Variants in SLC2A13 observed in about 807,000 individuals in gnomAD.
SLC2A13 encodes solute carrier family 2 member 13.
In SLC2A13, 32 loss-of-function variants were observed where a neutral mutation model predicts 64.4. The ratio of observed to expected loss-of-function variants is 0.50; its 90% confidence interval spans 0.37 to 0.67. SLC2A13 has a LOEUF of 0.67. Ranked by LOEUF, SLC2A13 falls within the 30% of genes least tolerant of loss-of-function variation. The pLI is 0.00. For synonymous variants in SLC2A13, 338 were observed against 327.1 expected, an observed-to-expected ratio of 1.03 and a Z score of -0.36; for missense variants, 743 against 829.2, an observed-to-expected ratio of 0.90 and a Z score of 1.28.
intron 1 of SLC2A13, among the ~76,000 whole-genome samples, chr12:40,090,275 T>C (rs1938720674): frequency 6.6e-6 from 1 of 152,178 alleles, no homozygotes; most frequent in South Asian, 2.1e-4. Flanking sequence ...TTAATAATAT[T>C]TTATAATTTT....
chr12:39,871,638 T>TC (rs1432970787), intron 5 of SLC2A13, among the ~76,000 whole-genome samples, 160 bp downstream of exon 5: 1 of 151,806 alleles, frequency 6.6e-6, no homozygotes, highest in African/African-American at 2.4e-5. Context: ...TGTTAAAAGC[T>TC]CTTTTTTTTT....
intron 3 of SLC2A13, among the ~76,000 whole-genome samples, chr12:40,023,291 A>G (rs1947753106): frequency 6.6e-6 from 1 of 152,154 alleles, no homozygotes; most frequent in East Asian, 1.9e-4. Context: ...CCCACTTCAG[A>G]GTGGAGAGGA....
At chr12:39,761,612 G>A (rs185822970) in intron 9 of SLC2A13, among the ~76,000 whole-genome samples, 14 of 84,560 alleles carry the variant, frequency 1.7e-4, no homozygotes, top group South Asian at 5.1e-4. Flanking sequence ...CTAGCTCTTG[G>A]AGAATGGGGG....
At chr12:40,067,697 A>G (rs1239949652) in intron 1 of SLC2A13, among the ~76,000 whole-genome samples, 1 of 152,086 alleles carries the variant, frequency 6.6e-6, no homozygotes, top group African/African-American at 2.4e-5. Flanking sequence ...TCTATTCTGG[A>G]CTGCAGAAAT....
intron 3 of SLC2A13, among the ~76,000 whole-genome samples, chr12:39,955,140 C>A (rs1946294611): frequency 6.6e-6 from 1 of 152,094 alleles, no homozygotes; most frequent in African/African-American, 2.4e-5. Flanking sequence ...AGTCTCAACT[C>A]ATTTAAAAGG....
chr12:40,060,148 A>G (rs138804879), intron 1 of SLC2A13, among the ~76,000 whole-genome samples: 60 of 152,254 alleles, frequency 3.9e-4, no homozygotes, highest in African/African-American at 1.4e-3. Context: ...CAGACAGCTC[A>G]TATCACAGAC....
intron 6 of SLC2A13, among the ~76,000 whole-genome samples, chr12:39,842,789 C>T (rs967915783): frequency 6.6e-6 from 1 of 151,940 alleles, no homozygotes; most frequent in Non-Finnish European, 1.5e-5. Context: ...CTTTTCATCA[C>T]CCCCTGGCAA....
chr12:39,898,583 T>C (rs1202399512), intron 4 of SLC2A13, among the ~76,000 whole-genome samples: 6 of 152,276 alleles, frequency 3.9e-5, no homozygotes, highest in Admixed American at 3.9e-4. Context: ...AGGGACATTT[T>C]TATTGTAACA....
intron 7 of SLC2A13, among the ~76,000 whole-genome samples, chr12:39,811,294 T>G (rs1942150477): frequency 6.6e-6 from 1 of 152,094 alleles, no homozygotes; most frequent in Non-Finnish European, 1.5e-5. Flanking sequence ...CTATTGCTTT[T>G]ACATTTTCTA....
At position 39,990,139 on chromosome 12, in the gene SLC2A13, G is replaced by C. The variant is rs542075452; in HGVS notation, c.925+38162C>G. Among the ~76,000 whole-genome samples, 3 of 152,172 alleles carry C rather than the reference G, an allele frequency of 2.0e-5. No individual in the cohort carries two copies. In the South Asian group the frequency reaches 6.2e-4, roughly 32 times the overall value. ...GTAACACCTATGGCCATGTATTCTG[G>C]AGTCATAACGATCAAATATTAGTTC... is the stretch of plus-strand genomic sequence containing the variant. On this transcript the variant is annotated intron_variant, in intron 3 of 9. Transcript: ENST00000280871.
chr12:39,928,702 A>C (rs2136067978), intron 4 of SLC2A13, among the ~76,000 whole-genome samples: 1 of 152,326 alleles, frequency 6.6e-6, no homozygotes, highest in South Asian at 2.1e-4. Context: ...AAGTAATTAA[A>C]GTTTGTATGC....
chr12:39,944,508 T>G (rs917744583), intron 4 of SLC2A13, among the ~76,000 whole-genome samples: 3 of 152,250 alleles, frequency 2.0e-5, no homozygotes, highest in Non-Finnish European at 4.4e-5. Flanking sequence ...AGTAATTGTT[T>G]TATAAATTCG....
chr12:39,929,730 G>A lies in SLC2A13; in HGVS notation c.1034+21527C>T, dbSNP rs577203717. Among the ~76,000 whole-genome samples, 67 of 152,160 alleles carry A rather than the reference G, an allele frequency of 4.4e-4. 1 individual carries two copies. Among genetic ancestry groups the A allele is most frequent in the South Asian group, 4.4e-3 (21 of 4,812 alleles). On this transcript the variant is annotated intron_variant, in intron 4 of 9. Transcript: ENST00000280871. ...AGCAGAATCACAGGATGGATTATGG[G>A]TGTTTCTCATTAGGTTTAACTGTAA...
At chr12:39,914,472 C>T (rs564717305) in intron 4 of SLC2A13, among the ~76,000 whole-genome samples, 4 of 151,974 alleles carry the variant, frequency 2.6e-5, no homozygotes, top group East Asian at 1.9e-4. Context: ...AGCAAATTTC[C>T]GGATTGTATC....
In SLC2A13 at chr12:39,871,901, C is replaced by A; in HGVS notation, c.1095G>T (p.Trp365Cys). ...SGVEDDRLAI[W>C]LASVTAFTNF... ...TTGTGAAGGCTGTAACTGAAGCCAG[C>A]CATATTGCAAGTCTATCATCTTCAA... The change falls in exon 5 of 10, where the codon TGG becomes TGT. Residue 365 changes from tryptophan to cysteine, a missense_variant. Trp to Cys is a radical substitution (Grantham distance 215). Around this residue, in one of 2 missense-constraint regions of SLC2A13, gnomAD observed 295 missense variants for 381.7 expected, o/e 0.77. Transcript: ENST00000280871. The A allele has an allele frequency of 6.2e-7, 1 of 1,610,866 alleles. No individual in the cohort carries two copies. The highest frequency in any genetic ancestry group is 1.1e-5 in the South Asian group (1 of 90,410).
At chr12:39,996,183 T>C (rs1006475428) in intron 3 of SLC2A13, among the ~76,000 whole-genome samples, 2 of 152,186 alleles carry the variant, frequency 1.3e-5, no homozygotes, top group Admixed American at 1.3e-4. Flanking sequence ...AGGTGACTCT[T>C]GTTATGTTTT....
intron 4 of SLC2A13, among the ~76,000 whole-genome samples, chr12:39,907,042 A>C (rs1945304892): frequency 6.6e-6 from 1 of 152,156 alleles, no homozygotes; most frequent in Admixed American, 6.6e-5. Flanking sequence ...ATGCAAATTA[A>C]CCCATAAATC....
chr12:39,780,765 A>G (rs1940950137), intron 7 of SLC2A13, among the ~76,000 whole-genome samples: 1 of 152,218 alleles, frequency 6.6e-6, no homozygotes, highest in Non-Finnish European at 1.5e-5. Context: ...GCAGTCTTTT[A>G]ATAATACATA....
At chr12:40,086,261 G>C (rs1200419842) in intron 1 of SLC2A13, among the ~76,000 whole-genome samples, 1 of 151,868 alleles carries the variant, frequency 6.6e-6, no homozygotes, top group Non-Finnish European at 1.5e-5. Context: ...GGCATGGGAG[G>C]GTATTTTTTT....
Sources: gnomAD v4.1 joint callset for allele counts (sites outside exome capture counted in the v4.1 genomes callset) on GRCh38, gnomAD v4.1.1 for gene constraint, gnomAD v4.1.1 regional missense constraint, MANE v1.5 for transcripts, NCBI Gene and HGNC (gene_info 2026-07-23, HGNC 2026-07-21) for gene names.